The following HERC2 variants were observed in gnomAD, a reference collection of about 807,000 sequenced individuals.
HERC2 encodes the protein E3 ubiquitin-protein ligase HERC2.
HERC2 carries 102 observed loss-of-function variants against 537.7 expected under a neutral mutation model. The observed-to-expected ratio is 0.19, with a 90% CI of 0.16 to 0.22. The LOEUF (loss-of-function observed/expected upper bound fraction) is 0.22. HERC2 is among the 10% of genes least tolerant of loss of function. The pLI, the probability that HERC2 is intolerant of heterozygous loss-of-function variation, is 1.00. For synonymous variants in HERC2, 2,224 were observed against 2,466.2 expected, an observed-to-expected ratio of 0.90 and a Z score of 2.91; for missense variants, 4,236 against 6,198.2, an observed-to-expected ratio of 0.68 and a Z score of 10.63.
intron 2 of HERC2, among the ~76,000 whole-genome samples, chr15:28,309,015 T>C (rs1055401854): frequency 2.0e-5 from 3 of 152,376 alleles, no homozygotes; most frequent in Middle Eastern, 3.4e-3. Flanking sequence ...CTTTCTTTGA[T>C]GTGTCTTTGT....
At chr15:28,242,968 A>G (rs533719678) in intron 23 of HERC2, among the ~76,000 whole-genome samples, 3 of 152,202 alleles carry the variant, frequency 2.0e-5, no homozygotes, top group Non-Finnish European at 4.4e-5. Context: ...TGAAATCTGG[A>G]AAGCTTTTTC....
intron 83 of HERC2, among the ~76,000 whole-genome samples, chr15:28,127,590 T>G (rs1300498066): frequency 6.6e-6 from 1 of 152,166 alleles, no homozygotes; most frequent in Admixed American, 6.5e-5. Context: ...TCAATAGCAA[T>G]GAGCACACCC....
intron 68 of HERC2, 108 bp downstream of exon 68, chr15:28,167,579 G>T: frequency 7.4e-7 from 1 of 1,344,740 alleles, no homozygotes; most frequent in Non-Finnish European, 1.0e-6. Context: ...GACAGCCGAG[G>T]TGAATGGGAT....
chr15:28,287,794 G>A (rs1596396008), intron 4 of HERC2, among the ~76,000 whole-genome samples: 1 of 148,102 alleles, frequency 6.8e-6, no homozygotes, highest in African/African-American at 2.5e-5. Context: ...TGCAATCTTG[G>A]CTTACTGCAA....
chr15:28,202,697 T>C, intron 45 of HERC2, 83 bp from the exon 46 acceptor site: 3 of 466,798 alleles, frequency 6.4e-6, no homozygotes, highest in Non-Finnish European at 1.1e-5. Flanking sequence ...GGTGATGGCC[T>C]TCTACTGTGA....
intron 4 of HERC2, among the ~76,000 whole-genome samples, chr15:28,287,323 C>T (rs1447647959): frequency 2.0e-5 from 3 of 152,148 alleles, no homozygotes; most frequent in African/African-American, 7.2e-5. Flanking sequence ...CAAGAATATG[C>T]TTTGAATCCA....
intron 17 of HERC2, among the ~76,000 whole-genome samples, chr15:28,256,683 C>A (rs979651299): frequency 6.6e-5 from 10 of 152,200 alleles, no homozygotes; most frequent in African/African-American, 2.4e-4. Context: ...CAAGCTCTGC[C>A]TCCCCAGTTC....
chr15:28,200,405 C>CA (rs576850677), intron 48 of HERC2, among the ~76,000 whole-genome samples: 31 of 145,692 alleles, frequency 2.1e-4, no homozygotes, highest in South Asian at 8.8e-4. Context: ...AAAAAACAAA[C>CA]AAAAAAAAAA....
In HERC2 at chr15:28,132,142, C is replaced by G. The variant is rs1199839288; in HGVS notation, c.12528G>C (p.Lys4176Asn). 1 of 1,613,042 alleles carries G rather than the reference C, an allele frequency of 6.2e-7. No individual in the cohort carries two copies. The highest frequency in any genetic ancestry group is 8.5e-7 in the Non-Finnish European group (1 of 1,179,286). The change falls in exon 81 of 93, where the codon AAG becomes AAC. Residue 4176 changes from lysine (K) to asparagine (N), a missense_variant. Lys to Asn is a moderately conservative substitution (Grantham distance 94). This residue lies in a region of HERC2 where 7 missense variants were observed against 26.9 expected (regional missense o/e 0.26). Transcript: ENST00000261609. ...AGCCATCGCTGCCTCCCCGGCCGAGCTTGCCGTAGTCCCCGTCCCCCCAGG... is the reference window on the plus strand; with the variant it reads ...AGCCATCGCTGCCTCCCCGGCCGAGGTTGCCGTAGTCCCCGTCCCCCCAGG... The part of the protein sequence containing the change: ...VWSWGDGDYG[K>N]LGRGGSDGCK...
At chr15:28,224,218 C>A (rs556086491) in intron 35 of HERC2, among the ~76,000 whole-genome samples, 18 of 151,154 alleles carry the variant, frequency 1.2e-4, no homozygotes, top group African/African-American at 3.9e-4. Flanking sequence ...GAAAGATTCC[C>A]CCCACCCCCA....
intron 2 of HERC2, among the ~76,000 whole-genome samples, chr15:28,310,955 T>C (rs1272299354): frequency 6.6e-6 from 1 of 151,774 alleles, no homozygotes; most frequent in Non-Finnish European, 1.5e-5. Flanking sequence ...CACGCACCTA[T>C]AGTCCCAGCT....
At position 28,274,291 on chromosome 15, in the gene HERC2, C is replaced by T. The variant is rs1228835352; in HGVS notation, c.800G>A (p.Gly267Glu). The T allele has an allele frequency of 6.2e-7, 1 of 1,613,932 alleles. No individual in the cohort carries two copies. The highest frequency in any genetic ancestry group is 1.6e-4 in the Middle Eastern group (1 of 6,082). Residue 267 changes from glycine to glutamate, a missense_variant and splice_region_variant, in exon 7 of 93, where the codon GGG becomes GAG. Physicochemically the swap from Gly to Glu is moderately conservative, Grantham distance 98. This residue lies in a region of HERC2 where 491 missense variants were observed against 559.3 expected (regional missense o/e 0.88). Transcript: ENST00000261609. The part of the protein sequence containing the change: ...ATRFLRSVVT[G>E]DVHGTPATKG... ...GAAGGCAAGAAAGGAAAGAACTCACCCCGTCACGACGGACCTGAGGAACCT... is the reference window on the plus strand; with the variant it reads ...GAAGGCAAGAAAGGAAAGAACTCACTCCGTCACGACGGACCTGAGGAACCT...
At chr15:28,279,615 CCACACACACACACACA>C (rs58447102) in intron 5 of HERC2, among the ~76,000 whole-genome samples, 18 of 141,584 alleles carry the variant, frequency 1.3e-4, no homozygotes, top group Admixed American at 6.4e-4. Context: ...GACCCCATCT[CCACACACACACACACA>C]CACACACACA....
chr15:28,149,530 C>A (rs184960952), intron 70 of HERC2, among the ~76,000 whole-genome samples: 1 of 148,932 alleles, frequency 6.7e-6, no homozygotes, highest in African/African-American at 2.5e-5. Context: ...GGCTCCTAAC[C>A]GAGAACGTCA....
Position 28,113,558 on chromosome 15 carries a change from T to G in HERC2, c.14019+15A>C, listed in dbSNP as rs375265161. 73 of 1,610,150 alleles carry G rather than the reference T, an allele frequency of 4.5e-5. 4 individuals carry two copies. The Middle Eastern group carries it at 2.7e-3, about 59-fold the overall frequency. Reference sequence around the variant, plus strand: ...AAGGCAGCTGCAGGGCAGCCCCACCTGGGGGTCGGCATACCATCGTCTCCA... The same window carrying G: ...AAGGCAGCTGCAGGGCAGCCCCACCGGGGGGTCGGCATACCATCGTCTCCA... On this transcript the variant is annotated intron_variant, in intron 91 of 92. Coordinates refer to ENST00000261609, the MANE Select transcript of HERC2 (RefSeq NM_004667.6). This position sits in a 1 kb window ranked among gnomAD's most constrained non-coding sequence, Gnocchi z 7.0.
intron 86 of HERC2, among the ~76,000 whole-genome samples, chr15:28,120,670 G>A (rs1306099691): frequency 2.0e-5 from 3 of 152,222 alleles, no homozygotes; most frequent in African/African-American, 4.8e-5. Context: ...ACTACCAGTG[G>A]TGGGGAGGGT....
chr15:28,299,768 G>A (rs1460725903), intron 2 of HERC2, among the ~76,000 whole-genome samples: 11 of 152,048 alleles, frequency 7.2e-5, no homozygotes, highest in South Asian at 6.2e-4. Flanking sequence ...AAAATGACAC[G>A]TGGTCGGGCG....
rs150820502 is a variant in HERC2, at chr15:28,227,663, T to C, written c.5464+555A>G. ...GTCCTAGGTGTATAATCAAAAGAAC[T>C]AGAAACAAGCATTCAAACAAGTATT... On this transcript the variant is annotated intron_variant, in intron 35 of 92. Transcript: ENST00000261609. Among the ~76,000 whole-genome samples the C allele has an allele frequency of 2.2e-3, 332 of 152,216 alleles. 1 individual carries two copies. The highest frequency in any genetic ancestry group is 7.2e-3 in the African/African-American group (299 of 41,542).
intron 74 of HERC2, 140 bp downstream of exon 74, chr15:28,143,733 A>C: frequency 1.9e-6 from 2 of 1,046,976 alleles, no homozygotes; most frequent in Admixed American, 2.1e-5. Context: ...CGCATGAGCC[A>C]CCGCGCCCGG....
Sources: allele counts gnomAD v4.1 joint callset (sites outside exome capture counted in the v4.1 genomes callset), GRCh38; gene constraint gnomAD v4.1.1; regional missense constraint gnomAD v4.1.1; non-coding constraint Gnocchi (gnomAD v3.1); transcripts MANE v1.5; gene names NCBI Gene and HGNC (gene_info 2026-07-23, HGNC 2026-07-21).